DMD: variants seen among roughly 807,000 people sequenced by gnomAD.
DMD encodes the protein mutant dystrophin.
In DMD, 63 loss-of-function variants were observed where a neutral mutation model predicts 330.1. That is an observed-to-expected ratio of 0.19 (90% CI 0.16 to 0.24). DMD has a LOEUF of 0.24. Ranked by LOEUF, DMD falls within the 10% of genes least tolerant of loss-of-function variation. DMD has a pLI of 1.00. For missense variants in DMD, 3,344 were observed against 2,684.1 expected (o/e 1.25, Z -5.43); for synonymous variants, 1,223 against 959.8 (o/e 1.27, Z -5.07).
intron 62 of DMD, among the ~76,000 whole-genome samples, chrX:31,282,933 CATA>C (rs779030815): frequency 1.5e-4 from 17 of 111,968 alleles, no homozygotes; most frequent in Admixed American, 4.7e-4. Context: ...GGCAGATACA[CATA>C]ATATCTATAT....
In DMD at chrX:31,817,838, C is replaced by T. The variant is rs751216321; in HGVS notation, c.7309+2137G>A. Among the ~76,000 whole-genome samples the T allele has an allele frequency of 7.5e-4, 84 of 111,881 alleles. 1 individual carries two copies. The highest frequency in any genetic ancestry group is 6.6e-4 in the Admixed American group (7 of 10,532). ...AGTCTCACTGATCTCCTTAATATTC[C>T]GTCATCTTGTTCCTACTTCAGTATC... On this transcript the variant is annotated intron_variant, in intron 50 of 78. Transcript: ENST00000357033.
intron 67 of DMD, among the ~76,000 whole-genome samples, chrX:31,195,836 G>C (rs893383500): frequency 9.1e-6 from 1 of 109,404 alleles, no homozygotes; most frequent in South Asian, 4.1e-4. Context: ...AGGGAGGGCA[G>C]GAAGGAAGGA....
At chrX:33,249,571 T>C (rs1437422455) in intron 1 of DMD, among the ~76,000 whole-genome samples, 1 of 111,962 alleles carries the variant, frequency 8.9e-6, no homozygotes, top group Non-Finnish European at 1.9e-5. Flanking sequence ...TACGACATTA[T>C]GTTAAAGATA....
rs1005710612 is a variant in DMD at position 31,145,594 on chromosome X, C to A, written c.10921+697G>T. On this transcript the variant is annotated intron_variant, in intron 76 of 78. Transcript: ENST00000357033. ...AATCAGAAGTTTCACTATCTTCTTC[C>A]AACCAAATCCTCTCCCTTCATTCCT... Among the ~76,000 whole-genome samples, 5 of 110,897 alleles carry A rather than the reference C, an allele frequency of 4.5e-5. No homozygotes were observed. The Admixed American group carries it at 4.8e-4, about 11-fold the overall frequency.
intron 2 of DMD, among the ~76,000 whole-genome samples, chrX:33,002,303 GGAAT>G (rs990857167): frequency 9.0e-6 from 1 of 111,236 alleles, no homozygotes. Flanking sequence ...AAGCAAGGAA[GGAAT>G]GAAGGGATTT....
At chrX:32,478,961 G>A (rs2148530824) in intron 21 of DMD, among the ~76,000 whole-genome samples, 1 of 110,702 alleles carries the variant, frequency 9.0e-6, no homozygotes, top group East Asian at 2.8e-4. Flanking sequence ...TTCACCTCCT[G>A]GACAACTGAT....
intron 44 of DMD, among the ~76,000 whole-genome samples, chrX:32,199,404 G>A (rs895137576): frequency 4.5e-5 from 5 of 111,039 alleles, no homozygotes; most frequent in African/African-American, 1.6e-4. Flanking sequence ...TTTGAAATGA[G>A]TTAGTTTTCA....
chrX:32,332,444 G>GTGTGTGTGT (rs780913925), intron 41 of DMD, among the ~76,000 whole-genome samples: 1 of 98,845 alleles, frequency 1.0e-5, no homozygotes, highest in Non-Finnish European at 2.1e-5. Flanking sequence ...GTGTGTGTGT[G>GTGTGTGTGT]GTGTATGTGC....
intron 9 of DMD, among the ~76,000 whole-genome samples, chrX:32,694,020 CTGAATAAT>C (rs947893128): frequency 2.7e-5 from 3 of 112,063 alleles, no homozygotes; most frequent in African/African-American, 9.7e-5. Context: ...CCTAAATTCA[CTGAATAAT>C]TTTCAATCAT....
chrX:33,302,883 T>C (rs2053687450), intron 1 of DMD, among the ~76,000 whole-genome samples: 1 of 111,880 alleles, frequency 8.9e-6, no homozygotes, highest in South Asian at 3.7e-4. Context: ...TATAGCATCA[T>C]TACAGAGAAT....
chrX:31,277,302 T>G (rs1272428088), intron 62 of DMD, among the ~76,000 whole-genome samples: 1 of 111,802 alleles, frequency 8.9e-6, no homozygotes, highest in Non-Finnish European at 1.9e-5. Context: ...CGAAGTTTCA[T>G]ATCCTTTAAC....
intron 60 of DMD, among the ~76,000 whole-genome samples, chrX:31,382,455 T>C (rs898533617): frequency 2.7e-5 from 3 of 111,475 alleles, no homozygotes; most frequent in African/African-American, 9.8e-5. Flanking sequence ...ACACTGTTTC[T>C]CCAAGCCATC....
chrX:32,749,361 T>C (rs1211170760), intron 7 of DMD, among the ~76,000 whole-genome samples: 2 of 112,061 alleles, frequency 1.8e-5, no homozygotes, highest in Non-Finnish European at 3.8e-5. Flanking sequence ...TGGTATGCAA[T>C]GATAAGATCA....
In DMD at chrX:32,023,711, G is replaced by C. The variant is rs188212786; in HGVS notation, c.6439-55197C>G. Among the ~76,000 whole-genome samples, 19 of 111,810 alleles carry C rather than the reference G, an allele frequency of 1.7e-4. No individual in the cohort carries two copies. The Admixed American group carries it at 1.8e-3, about 11-fold the overall frequency. On this transcript the variant is annotated intron_variant, in intron 44 of 78. Coordinates refer to ENST00000357033, the MANE Select transcript of DMD (RefSeq NM_004006.3). ...CCTAGGTGCCCATTAATGGTGGACA[G>C]GATAAAGAATGTGGCGCGTATACAC...
chrX:32,210,013 A>C (rs2097087473), intron 44 of DMD, among the ~76,000 whole-genome samples: 1 of 111,747 alleles, frequency 8.9e-6, no homozygotes, highest in Non-Finnish European at 1.9e-5. Flanking sequence ...GAAAAGATGG[A>C]TAGGGGCCAA....
At chrX:32,539,046 A>G (rs982979254) in intron 17 of DMD, among the ~76,000 whole-genome samples, 3 of 111,658 alleles carry the variant, frequency 2.7e-5, no homozygotes, top group Non-Finnish European at 5.6e-5. Context: ...TAGAATTCAC[A>G]TTACTATATT....
At chrX:32,071,252 A>G (rs969306576) in intron 44 of DMD, among the ~76,000 whole-genome samples, 15 of 110,146 alleles carry the variant, frequency 1.4e-4, no homozygotes, top group Admixed American at 1.4e-3. Context: ...TGACTTCCAC[A>G]ATGGTTGAAC....
At chrX:32,731,945 C>G (rs1402930541) in intron 7 of DMD, among the ~76,000 whole-genome samples, 4 of 111,969 alleles carry the variant, frequency 3.6e-5, no homozygotes, top group Non-Finnish European at 5.6e-5. Context: ...AAGAAGGCTT[C>G]AGACGATCAA....
intron 56 of DMD, among the ~76,000 whole-genome samples, chrX:31,503,116 G>T (rs1020361643): frequency 8.9e-6 from 1 of 111,997 alleles, no homozygotes; most frequent in South Asian, 3.7e-4. Flanking sequence ...ATTAAATTAT[G>T]AGATAGGATT....
Sources: allele counts gnomAD v4.1 joint callset (sites outside exome capture counted in the v4.1 genomes callset), GRCh38; gene constraint gnomAD v4.1.1; transcripts MANE v1.5; gene names NCBI Gene and HGNC (gene_info 2026-07-23, HGNC 2026-07-21).